Variants in CEP112 observed in about 807,000 individuals in gnomAD.
CEP112 encodes the protein centrosomal protein 112.
A neutral mutation model predicts 153.0 loss-of-function variants in CEP112; 127 were observed. The ratio of observed to expected loss-of-function variants is 0.83; its 90% CI spans 0.72 to 0.96. CEP112 has a LOEUF of 0.96. Ranked by LOEUF, CEP112 falls within the 40% of genes least tolerant of loss-of-function variation. The pLI, the probability that CEP112 is intolerant of heterozygous loss-of-function variation, is 0.00. For missense variants in CEP112, 1,089 were observed against 1,101.2 expected, an observed-to-expected ratio of 0.99 and a Z score of 0.16; for synonymous variants, 358 against 374.4, an observed-to-expected ratio of 0.96 and a Z score of 0.51.
chr17:65,945,781 G>A (rs1050454922), intron 18 of CEP112, among the ~76,000 whole-genome samples: 1 of 151,980 alleles, frequency 6.6e-6, no homozygotes, highest in African/African-American at 2.4e-5. Context: ...CGAGTAGCTG[G>A]GATTACAGGT....
At chr17:66,112,184 G>A (rs1030967660) in intron 6 of CEP112, among the ~76,000 whole-genome samples, 17 of 151,886 alleles carry the variant, frequency 1.1e-4, no homozygotes, top group African/African-American at 3.1e-4. Flanking sequence ...CCAGCTACTC[G>A]GGAGGCTGAG....
chr17:65,993,290 C>T (rs2063663618), intron 17 of CEP112, among the ~76,000 whole-genome samples: 1 of 152,166 alleles, frequency 6.6e-6, no homozygotes, highest in Non-Finnish European at 1.5e-5. Flanking sequence ...TTTATAGCTG[C>T]ATAGTATTCC....
At chr17:65,824,437 G>T (rs1322159865) in intron 21 of CEP112, among the ~76,000 whole-genome samples, 2 of 152,232 alleles carry the variant, frequency 1.3e-5, no homozygotes, top group East Asian at 1.9e-4. Flanking sequence ...AAGGTCTGGA[G>T]AAATGTTTGA....
intron 20 of CEP112, among the ~76,000 whole-genome samples, chr17:65,868,519 A>G (rs893060787): frequency 2.6e-5 from 4 of 151,894 alleles, no homozygotes; most frequent in Non-Finnish European, 5.9e-5. Context: ...AAAAAAAAAA[A>G]TACATTGAAA....
chr17:65,918,093 T>C lies in CEP112; in HGVS notation c.1980+9489A>G, dbSNP rs866677410. Among the ~76,000 whole-genome samples the C allele has an allele frequency of 4.6e-5, 7 of 151,612 alleles. 1 individual carries two copies. In the Middle Eastern group the frequency reaches 0.01, roughly 221 times the overall value. ...TACTTGGGAGGCTGAGGCAGGAGAA[T>C]TGCTTGAACCTGGGAGGTGGAGGTT... On this transcript the variant is annotated intron_variant, in intron 19 of 26. Coordinates refer to ENST00000535342, the MANE Select transcript of CEP112 (RefSeq NM_001199165.4).
chr17:65,667,557 T>A (rs1170458692), intron 24 of CEP112, among the ~76,000 whole-genome samples: 2 of 107,088 alleles, frequency 1.9e-5, no homozygotes, highest in East Asian at 4.2e-4. Flanking sequence ...ATTTGTACTC[T>A]TACACACACA....
At chr17:66,135,569 A>G (rs866192795) in intron 4 of CEP112, among the ~76,000 whole-genome samples, 31 of 152,168 alleles carry the variant, frequency 2.0e-4, no homozygotes, top group Admixed American at 3.9e-4. Context: ...GCCAAGCAGA[A>G]AAGCGGTATT....
intron 18 of CEP112, among the ~76,000 whole-genome samples, chr17:65,932,263 T>C (rs907287361): frequency 1.3e-5 from 2 of 152,080 alleles, no homozygotes; most frequent in Admixed American, 1.3e-4. Flanking sequence ...ATTGAAAGTG[T>C]CCATCCCCAC....
chr17:66,055,830 T>TAATA (rs1568439330), intron 11 of CEP112, among the ~76,000 whole-genome samples: 7 of 152,192 alleles, frequency 4.6e-5, no homozygotes, highest in African/African-American at 1.4e-4. Context: ...TTGGCTGATG[T>TAATA]GTTTGAGGAC....
intron 17 of CEP112, among the ~76,000 whole-genome samples, chr17:65,969,100 G>C (rs866739829): frequency 1.8e-5 from 1 of 57,044 alleles, no homozygotes; most frequent in South Asian, 4.1e-4. Flanking sequence ...TTTTTTTTTT[G>C]AGACAATGTC....
chr17:65,727,014 G>T (rs775303744), intron 23 of CEP112, among the ~76,000 whole-genome samples: 5 of 152,170 alleles, frequency 3.3e-5, no homozygotes, highest in Non-Finnish European at 7.3e-5. Flanking sequence ...CTGTCAGGGG[G>T]AACTGCTGGC....
intron 25 of CEP112, among the ~76,000 whole-genome samples, chr17:65,639,121 G>A (rs777861580): frequency 1.2e-4 from 18 of 151,984 alleles, no homozygotes; most frequent in African/African-American, 3.6e-4. Flanking sequence ...AAGCAAAATC[G>A]CAAACAGTAG....
intron 20 of CEP112, among the ~76,000 whole-genome samples, chr17:65,857,461 C>T (rs1372684886): frequency 6.6e-6 from 1 of 152,088 alleles, no homozygotes; most frequent in South Asian, 2.1e-4. Context: ...GCTTGCTAAC[C>T]GAACTCCTGA....
chr17:65,948,054 T>C (rs2061702052), intron 18 of CEP112, among the ~76,000 whole-genome samples: 1 of 152,172 alleles, frequency 6.6e-6, no homozygotes, highest in South Asian at 2.1e-4. Flanking sequence ...GATAGTGTTC[T>C]TGCTTCCTTG....
chr17:66,161,094 A>G (rs2071681868), intron 4 of CEP112, among the ~76,000 whole-genome samples: 1 of 152,216 alleles, frequency 6.6e-6, no homozygotes, highest in Non-Finnish European at 1.5e-5. Flanking sequence ...GCTCATCATC[A>G]CTGGTTATTA....
intron 11 of CEP112, among the ~76,000 whole-genome samples, chr17:66,056,611 G>C (rs557744165): frequency 6.6e-6 from 1 of 152,154 alleles, no homozygotes. Context: ...AAAACATTAC[G>C]GTAAGTGAAA....
chr17:66,007,155 A>T (rs2064311143), intron 16 of CEP112, among the ~76,000 whole-genome samples: 1 of 152,204 alleles, frequency 6.6e-6, no homozygotes, highest in Admixed American at 6.5e-5. Context: ...GGTAGACAGG[A>T]CATTTTCCAA....
intron 20 of CEP112, among the ~76,000 whole-genome samples, chr17:65,858,614 T>C (rs1780300605): frequency 6.6e-6 from 1 of 152,202 alleles, no homozygotes; most frequent in African/African-American, 2.4e-5. Flanking sequence ...TATTGTTTAT[T>C]TGCACTTTGT....
At chr17:66,082,991 G>T (rs2067781371) in intron 8 of CEP112, among the ~76,000 whole-genome samples, 1 of 151,924 alleles carries the variant, frequency 6.6e-6, no homozygotes, top group Non-Finnish European at 1.5e-5. Flanking sequence ...TTATTAAATA[G>T]CTCCATTTCT....
Sources: allele counts gnomAD v4.1 joint callset (sites outside exome capture counted in the v4.1 genomes callset), GRCh38; gene constraint gnomAD v4.1.1; transcripts MANE v1.5; gene names NCBI Gene and HGNC (gene_info 2026-07-23, HGNC 2026-07-21).